Variants in EFNA5 observed in about 807,000 individuals in gnomAD.
The protein encoded by EFNA5 is ephrin A5.
In EFNA5, 5 loss-of-function variants were observed where a neutral mutation model predicts 22.9. The ratio of observed to expected loss-of-function variants is 0.22; its 90% confidence interval spans 0.11 to 0.46. The LOEUF (loss-of-function observed/expected upper bound fraction) is 0.46, where lower values mean the gene tolerates loss of function less well. Among genes scored for constraint, EFNA5 ranks in the 20% least tolerant of loss-of-function variants. EFNA5 has a pLI of 0.99. For synonymous variants in EFNA5, 113 were observed against 112.2 expected, an observed-to-expected ratio of 1.01 and a Z score of -0.04; for missense variants, 237 against 293.3, an observed-to-expected ratio of 0.81 and a Z score of 1.40.
chr5:107,486,608 G>C (rs1407421248), intron 1 of EFNA5, among the ~76,000 whole-genome samples: 4 of 152,180 alleles, frequency 2.6e-5, no homozygotes, highest in Non-Finnish European at 4.4e-5. Flanking sequence ...GAGTTAGGCA[G>C]AGTTGTGGGC....
At chr5:107,647,507 A>C (rs1750650152) in intron 1 of EFNA5, among the ~76,000 whole-genome samples, 1 of 152,188 alleles carries the variant, frequency 6.6e-6, no homozygotes, top group Admixed American at 6.6e-5. Context: ...TCATTCTGAT[A>C]ATCAAAAAAT....
At chr5:107,653,881 C>A (rs1235011514) in intron 1 of EFNA5, among the ~76,000 whole-genome samples, 1 of 152,122 alleles carries the variant, frequency 6.6e-6, no homozygotes, top group African/African-American at 2.4e-5. Context: ...CAAGAGCTTG[C>A]CAATGTTTGC....
chr5:107,381,172 C>A lies in EFNA5; in HGVS notation c.*83G>T. The A allele has an allele frequency of 6.6e-7, 1 of 1,504,720 alleles. No homozygotes were observed. The highest frequency in any genetic ancestry group is 1.3e-5 in the South Asian group (1 of 76,476). 93.2% of individuals were successfully genotyped at this position (1,504,720 alleles called of 1,614,324 possible). ...TCTGCCAAAACCCAATAACAAGTCC[C>A]TTCTTAGGATGAGCAGTTAGGTGGA... is the stretch of plus-strand genomic sequence containing the variant. On this transcript the variant is annotated 3_prime_UTR_variant, in exon 5 of 5. Transcript: ENST00000333274.
intron 1 of EFNA5, among the ~76,000 whole-genome samples, chr5:107,494,359 G>T (rs902158658): frequency 2.0e-5 from 3 of 152,206 alleles, no homozygotes; most frequent in African/African-American, 7.2e-5. Context: ...CGGCCCTGCC[G>T]CCCGGGCAGT....
At chr5:107,590,009 T>G (rs1265982313) in intron 1 of EFNA5, among the ~76,000 whole-genome samples, 1 of 152,196 alleles carries the variant, frequency 6.6e-6, no homozygotes, top group African/African-American at 2.4e-5. Flanking sequence ...CGCAGAGAAT[T>G]TACGTAAGAC....
At chr5:107,433,804 G>A (rs1749034362) in intron 1 of EFNA5, among the ~76,000 whole-genome samples, 1 of 151,944 alleles carries the variant, frequency 6.6e-6, no homozygotes, top group Admixed American at 6.6e-5. Context: ...AGAAGGCTGA[G>A]GCAGGAGGAT....
intron 2 of EFNA5, among the ~76,000 whole-genome samples, chr5:107,409,457 G>T (rs988352065): frequency 6.6e-6 from 1 of 152,160 alleles, no homozygotes; most frequent in Non-Finnish European, 1.5e-5. Context: ...GATACCAGAC[G>T]AGAAACTACT....
chr5:107,626,020 C>T (rs1750134485), intron 1 of EFNA5, among the ~76,000 whole-genome samples: 1 of 152,150 alleles, frequency 6.6e-6, no homozygotes. Flanking sequence ...TCATGCATTA[C>T]AAACCTGTTT....
intron 1 of EFNA5, among the ~76,000 whole-genome samples, chr5:107,482,848 C>CTG (rs1750516281): frequency 2.8e-5 from 2 of 71,374 alleles, no homozygotes; most frequent in Non-Finnish European, 5.4e-5. Context: ...CTCTCTCTCT[C>CTG]TCTCTCTCTC....
chr5:107,564,201 C>A (rs931229773), intron 1 of EFNA5, among the ~76,000 whole-genome samples: 1 of 152,178 alleles, frequency 6.6e-6, no homozygotes, highest in Non-Finnish European at 1.5e-5. Flanking sequence ...AAGTGTCCAG[C>A]ATAAATCATT....
chr5:107,423,439 G>C (rs1341167083), intron 2 of EFNA5, among the ~76,000 whole-genome samples: 1 of 146,010 alleles, frequency 6.8e-6, no homozygotes, highest in East Asian at 2.0e-4. Context: ...ACAGGGTTTT[G>C]CTATGTTGCC....
Position 107,427,474 on chromosome 5 carries a change from A to G in EFNA5, c.161T>C (p.Ile54Thr). 1 of 1,613,848 alleles carries G rather than the reference A, an allele frequency of 6.2e-7. No homozygotes were observed. The highest frequency in any genetic ancestry group is 8.5e-7 in the Non-Finnish European group (1 of 1,179,876). The change falls in exon 2 of 5, where the codon ATC becomes ACC. Residue 54 changes from isoleucine (I) to threonine (T), a missense_variant. Physicochemically the swap from Ile to Thr is moderately conservative, Grantham distance 89. Coordinates refer to ENST00000333274, the MANE Select transcript of EFNA5 (RefSeq NM_001962.3). ...QRGDYHIDVC[I>T]NDYLDVFCPH... Reference sequence around the variant, plus strand: ...GCAGAAAACATCCAGGTAGTCATTGATACAGACATCAATATGGTAGTCACC... The same window carrying G: ...GCAGAAAACATCCAGGTAGTCATTGGTACAGACATCAATATGGTAGTCACC...
chr5:107,572,639 A>C (rs1174089569), intron 1 of EFNA5, among the ~76,000 whole-genome samples: 2 of 152,224 alleles, frequency 1.3e-5, no homozygotes, highest in East Asian at 3.9e-4. Context: ...TGGACACTGC[A>C]GCGTAGGATC....
chr5:107,469,098 C>T (rs930876354), intron 1 of EFNA5, among the ~76,000 whole-genome samples: 1 of 152,076 alleles, frequency 6.6e-6, no homozygotes, highest in Non-Finnish European at 1.5e-5. Flanking sequence ...AAATGTGGGG[C>T]CCCTTGTTAA....
chr5:107,413,035 C>T (rs1222462336), intron 2 of EFNA5, among the ~76,000 whole-genome samples: 1 of 152,122 alleles, frequency 6.6e-6, no homozygotes, highest in Non-Finnish European at 1.5e-5. Context: ...AATTGCCTTT[C>T]AAATATCAAT....
intron 1 of EFNA5, among the ~76,000 whole-genome samples, chr5:107,528,658 T>C (rs928856407): frequency 2.0e-5 from 3 of 152,204 alleles, no homozygotes; most frequent in Non-Finnish European, 2.9e-5. Flanking sequence ...GCTAGAATGG[T>C]CTTCCTAAAC....
chr5:107,588,416 T>A (rs1268960055), intron 1 of EFNA5, among the ~76,000 whole-genome samples: 4 of 152,196 alleles, frequency 2.6e-5, no homozygotes, highest in African/African-American at 7.2e-5. Flanking sequence ...CTAGTCTCTC[T>A]GCACTGACAC....
chr5:107,659,496 C>CTTTTT (rs550340874), intron 1 of EFNA5, among the ~76,000 whole-genome samples: 27 of 129,272 alleles, frequency 2.1e-4, no homozygotes, highest in African/African-American at 6.8e-4. Flanking sequence ...TTGGGTTTTC[C>CTTTTT]TTTTTTTTTT....
In EFNA5 at chr5:107,564,993, G is replaced by A. The variant is rs537622517; in HGVS notation, c.125+105496C>T. 2.0e-5 allele frequency among the ~76,000 whole-genome samples: 3 copies of A among 152,242 alleles called. No individual in the cohort carries two copies. The South Asian group carries it at 6.2e-4, about 32-fold the overall frequency. ...TTTCAGGGATTTGTGCTAAAAGATGGAAAACTGGAACTATTCTAGCAAACG... is the reference window on the plus strand; with the variant it reads ...TTTCAGGGATTTGTGCTAAAAGATGAAAAACTGGAACTATTCTAGCAAACG... On this transcript the variant is annotated intron_variant, in intron 1 of 4. Coordinates refer to ENST00000333274, the MANE Select transcript of EFNA5 (RefSeq NM_001962.3).
Sources: allele counts gnomAD v4.1 joint callset (sites outside exome capture counted in the v4.1 genomes callset), GRCh38; gene constraint gnomAD v4.1.1; transcripts MANE v1.5; gene names NCBI Gene and HGNC (gene_info 2026-07-23, HGNC 2026-07-21).